Variants in PAFAH1B2 observed in about 807,000 individuals in gnomAD.
PAFAH1B2 encodes the protein platelet activating factor acetylhydrolase 1b catalytic subunit 2, also known as platelet-activating factor acetylhydrolase IB subunit alpha2.
Under a neutral mutation model 28.0 loss-of-function variants are expected in PAFAH1B2, and 8 were observed. The observed-to-expected ratio is 0.29, with a 90% CI of 0.17 to 0.52. The LOEUF is 0.52. PAFAH1B2 is among the 20% of genes least tolerant of loss of function. The pLI, the probability that PAFAH1B2 is intolerant of heterozygous loss-of-function variation, is 0.97. For synonymous variants in PAFAH1B2, 104 were observed against 103.2 expected (o/e 1.01, Z -0.05); for missense variants, 190 against 282.6 (o/e 0.67, Z 2.35).
chr11:117,159,441 A>C (rs1956321513), intron 2 of PAFAH1B2: 1 of 152,158 alleles, frequency 6.6e-6, no homozygotes, highest in South Asian at 2.1e-4. Context: ...TTATTAAAAA[A>C]ATTTTTTTTT....
At chr11:117,178,017 G>T (rs1319463924), downstream of PAFAH1B2, among the ~76,000 whole-genome samples, 2 of 152,124 alleles carry the variant, frequency 1.3e-5, no homozygotes, top group East Asian at 3.8e-4. Flanking sequence ...TAGCTGCCCA[G>T]GTATTTTTAT....
downstream of PAFAH1B2, among the ~76,000 whole-genome samples, chr11:117,177,408 TAAC>T (rs1317998288): frequency 6.6e-6 from 1 of 152,230 alleles, no homozygotes; most frequent in Admixed American, 6.5e-5. Flanking sequence ...AATTCAAAGA[TAAC>T]TACTGCTAAA....
chr11:117,171,706 C>T (rs1228296086), downstream of PAFAH1B2: 8 of 1,535,726 alleles, frequency 5.2e-6, no homozygotes, highest in East Asian at 9.8e-5. Context: ...CGGGACCTAT[C>T]CTGATGACAC....
Position 117,169,500 on chromosome 11 carries a change from T to C in PAFAH1B2, c.*1801T>C. ...TGCTTTTGTATGTTGGAGGAGGGCT[T>C]ACTGATGCGTGCTAAGACCGATTTC... On this transcript the variant is annotated 3_prime_UTR_variant, in exon 6 of 6. Transcript: ENST00000527958. 1.9e-6 allele frequency: 2 copies of C among 1,055,098 alleles called. No individual in the cohort carries two copies. The highest frequency in any genetic ancestry group is 3.3e-5 in the African/African-American group (2 of 60,654). The allele number at this position is 1,055,098 out of a possible 1,614,324, so 65.4% of individuals were successfully genotyped here.
chr11:117,154,603 A>ATT (rs35500922), intron 2 of PAFAH1B2, among the ~76,000 whole-genome samples: 1 of 151,738 alleles, frequency 6.6e-6, no homozygotes, highest in Non-Finnish European at 1.5e-5. Context: ...TGCCGGGCTA[A>ATT]TTTTTTTTAT....
At chr11:117,177,683 C>G (rs1012173378), downstream of PAFAH1B2, among the ~76,000 whole-genome samples, 1 of 152,206 alleles carries the variant, frequency 6.6e-6, no homozygotes, top group Admixed American at 6.5e-5. Flanking sequence ...TACAGGCACG[C>G]GTCACCACGC....
chr11:117,155,563 A>G (rs1400270482), intron 2 of PAFAH1B2, among the ~76,000 whole-genome samples: 3 of 152,216 alleles, frequency 2.0e-5, no homozygotes, highest in Admixed American at 2.0e-4. Context: ...CAGTAAAACC[A>G]GTTCTAATAT....
chr11:117,144,675 C>A (rs932675817), intron 1 of PAFAH1B2, among the ~76,000 whole-genome samples: 5 of 152,130 alleles, frequency 3.3e-5, no homozygotes, highest in African/African-American at 9.7e-5. Flanking sequence ...CGAAAGCTGG[C>A]GTTTCTCCTC....
downstream of PAFAH1B2, chr11:117,171,817 A>G (rs1346103224): frequency 4.1e-6 from 5 of 1,224,430 alleles, no homozygotes; most frequent in Non-Finnish European, 5.8e-6. Context: ...CATTTGCTTT[A>G]TCACTGTTCA....
At chr11:117,172,620 GCA>G (rs1956698418), downstream of PAFAH1B2, among the ~76,000 whole-genome samples, 1 of 151,984 alleles carries the variant, frequency 6.6e-6, no homozygotes, top group African/African-American at 2.4e-5. Flanking sequence ...TCTGCCAAGA[GCA>G]CTGAGCTTCC....
Position 117,152,545 on chromosome 11 carries a change from G to A in PAFAH1B2, c.81+17G>A, listed in dbSNP as rs767659122. The A allele has an allele frequency of 1.3e-6, 2 of 1,552,646 alleles. No homozygotes were observed. Among genetic ancestry groups the A allele is most frequent in the African/African-American group, 1.4e-5 (1 of 73,780 alleles). On this transcript the variant is annotated intron_variant, in intron 2 of 5. Coordinates refer to ENST00000527958, the MANE Select transcript of PAFAH1B2 (RefSeq NM_002572.4). ...ATGTCTCAGGTAAAAGGAAGTGCAT[G>A]TGTATCATTCACATGAGTTGAGTCT...
chr11:117,159,153 C>T (rs1043901122), intron 2 of PAFAH1B2, among the ~76,000 whole-genome samples: 2 of 152,168 alleles, frequency 1.3e-5, no homozygotes, highest in East Asian at 1.9e-4. Context: ...TGTGTATCTA[C>T]AATTTTCTTA....
rs1282269311 is a variant in PAFAH1B2 at position 117,144,334 on chromosome 11, C to T, written c.-92C>T. 1 of 411,548 alleles carries T rather than the reference C, an allele frequency of 2.4e-6. No homozygotes were observed. The highest frequency in any genetic ancestry group is 2.1e-5 in the African/African-American group (1 of 47,286). The allele number at this position is 411,548 out of a possible 1,614,324, so 25.5% of individuals were successfully genotyped here. On this transcript the variant is annotated 5_prime_UTR_variant, in exon 1 of 6. Transcript: ENST00000527958. ...GGGCCGGAGGAGGGACGCGCCGGAG[C>T]GGGACCGACGGGACCGAGCGAGCGA...
Position 117,168,444 on chromosome 11 carries a change from CCGTTTTTTT to C in PAFAH1B2, c.*746_*754del. 1 of 438,202 alleles carries C rather than the reference CCGTTTTTTT, an allele frequency of 2.3e-6. No homozygotes were observed. The highest frequency in any genetic ancestry group is 5.3e-5 in the African/African-American group (1 of 18,928). 27.1% of individuals were successfully genotyped at this position (438,202 alleles called of 1,614,324 possible). A position where few individuals can be genotyped will look rare whatever the true frequency, so the allele number is the denominator to read the frequency against. ...TTTCCCCTTCATTCCCCCCGCCACCCCGTTTTTTTTTTTTTTTTTTTTTTTTTGGTTCTT... is the reference window on the plus strand; with the variant it reads ...TTTCCCCTTCATTCCCCCCGCCACCCTTTTTTTTTTTTTTTTTTGGTTCTT... On this transcript the variant is annotated 3_prime_UTR_variant, in exon 6 of 6. Transcript: ENST00000527958.
chr11:117,162,904 G>A (rs957596013), intron 4 of PAFAH1B2, among the ~76,000 whole-genome samples: 1 of 152,074 alleles, frequency 6.6e-6, no homozygotes, highest in Non-Finnish European at 1.5e-5. Flanking sequence ...TGGCTTACTT[G>A]CAGTCTTGAA....
intron 5 of PAFAH1B2, among the ~76,000 whole-genome samples, 165 bp from the exon 6 acceptor site, chr11:117,167,256 G>A (rs746792567): frequency 9.9e-5 from 15 of 152,112 alleles, no homozygotes; most frequent in Non-Finnish European, 2.1e-4. Flanking sequence ...AAAAAACTAA[G>A]AAGAAATGGT....
rs568843491 is a variant in PAFAH1B2 at position 117,159,793 on chromosome 11, A to G, written c.82-141A>G. 6.1e-4 allele frequency: 364 copies of G among 600,004 alleles called. 6 individuals are homozygous for G. In the South Asian group the frequency reaches 7.8e-3, roughly 13 times the overall value. The allele number at this position is 600,004 out of a possible 1,614,324, so 37.2% of individuals were successfully genotyped here. ...TTTTGTAGAGATGGGATCTTGATATATTACCCAGGCTGATCTCAAACTCCT... is the reference window on the plus strand; with the variant it reads ...TTTTGTAGAGATGGGATCTTGATATGTTACCCAGGCTGATCTCAAACTCCT... On this transcript the variant is annotated intron_variant, in intron 2 of 5. Transcript: ENST00000527958.
rs984764501 is a variant in PAFAH1B2, at chr11:117,170,851, G to A, written c.*3152G>A. The stretch of plus-strand genomic sequence containing the variant: ...GGGTGCATGTGGGAGAAGTGAGTTA[G>A]GGCCTCTTGAAAGGAGGCTTTTTGG... On this transcript the variant is annotated 3_prime_UTR_variant, in exon 6 of 6. Coordinates refer to ENST00000527958, the MANE Select transcript of PAFAH1B2 (RefSeq NM_002572.4). The A allele has an allele frequency of 3.0e-5, 32 of 1,060,004 alleles. No individual in the cohort carries two copies. The African/African-American group carries it at 4.9e-4, about 16-fold the overall frequency. 65.7% of individuals were successfully genotyped at this position (1,060,004 alleles called of 1,614,324 possible). A position where few individuals can be genotyped will look rare whatever the true frequency, so the allele number is the denominator to read the frequency against.
At chr11:117,175,247 C>G (rs1324917965), downstream of PAFAH1B2, 1 of 1,085,148 alleles carries the variant, frequency 9.2e-7, no homozygotes, top group African/African-American at 1.6e-5. Context: ...ATCCCTGAGG[C>G]CCCGACATCT....
Sources: allele counts gnomAD v4.1 joint callset (sites outside exome capture counted in the v4.1 genomes callset), GRCh38; gene constraint gnomAD v4.1.1; transcripts MANE v1.5; gene names NCBI Gene and HGNC (gene_info 2026-07-23, HGNC 2026-07-21).